Variants in ALDH2 observed in about 807,000 individuals in gnomAD.
ALDH2 encodes aldehyde dehydrogenase 2 family member, also known as aldehyde dehydrogenase, mitochondrial.
ALDH2 carries 44 observed loss-of-function variants against 59.6 expected under a neutral mutation model. That is an observed-to-expected ratio of 0.74 (90% CI 0.58 to 0.95). The LOEUF (loss-of-function observed/expected upper bound fraction) is 0.95, where lower values mean the gene tolerates loss of function less well. Among genes scored for constraint, ALDH2 ranks in the 40% least tolerant of loss-of-function variants. ALDH2 has a pLI of 0.00. For missense variants in ALDH2, 570 were observed against 696.3 expected, an observed-to-expected ratio of 0.82 and a Z score of 2.04; for synonymous variants, 291 against 284.0, an observed-to-expected ratio of 1.02 and a Z score of -0.25.
chr12:111,791,298 G>A lies in ALDH2; in HGVS notation c.682-8G>A, dbSNP rs745487886. ...GACTCCCAATGTCCCCTGGCTGTTTGCTCACAGGCTGGCTTTCCCCCTGGT... is the reference window on the plus strand; with the variant it reads ...GACTCCCAATGTCCCCTGGCTGTTTACTCACAGGCTGGCTTTCCCCCTGGT... On this transcript the variant is annotated splice_region_variant and splice_polypyrimidine_tract_variant and intron_variant, in intron 6 of 12. Coordinates refer to ENST00000261733, the MANE Select transcript of ALDH2 (RefSeq NM_000690.4). 6.2e-7 allele frequency: 1 copy of A among 1,610,690 alleles called. No homozygotes were observed. Among genetic ancestry groups the A allele is most frequent in the Admixed American group, 1.7e-5 (1 of 59,894 alleles).
rs199811756 is a variant in ALDH2, at chr12:111,799,911, C to G, written c.1254C>G (p.Phe418Leu). 7 of 1,613,238 alleles carry G rather than the reference C, an allele frequency of 4.3e-6. No homozygotes were observed. The highest frequency in any genetic ancestry group is 5.9e-6 in the Non-Finnish European group (7 of 1,179,572). ...ACGCTGCTCTCTCACTCCAGATCTTCGGGCCAGTGATGCAGATCCTGAAGT... is the reference window on the plus strand; with the variant it reads ...ACGCTGCTCTCTCACTCCAGATCTTGGGGCCAGTGATGCAGATCCTGAAGT... Reference protein sequence around the residue: ...DGMTIAKEEIFGPVMQILKFK... With the variant: ...DGMTIAKEEILGPVMQILKFK... The change falls in exon 11 of 13, where the codon TTC becomes TTG. Residue 418 changes from phenylalanine to leucine, a missense_variant. Physicochemically the swap from Phe to Leu is conservative, Grantham distance 22 (BLOSUM62 0). Transcript: ENST00000261733.
At chr12:111,782,408 A>T (rs1044265846) in intron 2 of ALDH2, among the ~76,000 whole-genome samples, 2 of 152,242 alleles carry the variant, frequency 1.3e-5, no homozygotes, top group Non-Finnish European at 2.9e-5. Context: ...TTTTTAAATT[A>T]GACTCTTAGT....
rs1477749402 is a variant in ALDH2, at chr12:111,812,357, CA to C, written c.*2783del. The C allele has an allele frequency of 6.6e-6, 1 of 152,068 alleles. No individual in the cohort carries two copies. Among genetic ancestry groups the C allele is most frequent in the Non-Finnish European group, 1.5e-5 (1 of 68,038 alleles). The allele number at this position is 152,068 out of a possible 1,614,324, so 9.4% of individuals were successfully genotyped here. On this transcript the variant is annotated 3_prime_UTR_variant, in exon 13 of 13. Transcript: ENST00000261733. ...TTTTATATATTTTATTATACTGGAA[CA>C]GCTCGTGCCCTCGGTCTCTTGCCTC...
rs189880277 is a variant in ALDH2, at chr12:111,793,679, G to A, written c.1083+897G>A. On this transcript the variant is annotated intron_variant, in intron 9 of 12. Transcript: ENST00000261733. ...GGCACGATCTCGACTCATGCCTCCCGGGTTCAAGCAATTCTTGTGCCTCAG... is the reference window on the plus strand; with the variant it reads ...GGCACGATCTCGACTCATGCCTCCCAGGTTCAAGCAATTCTTGTGCCTCAG... Among the ~76,000 whole-genome samples the A allele has an allele frequency of 1.4e-3, 219 of 151,420 alleles. 1 individual carries two copies. The highest frequency in any genetic ancestry group is 4.9e-3 in the African/African-American group (201 of 41,216).
intron 1 of ALDH2, among the ~76,000 whole-genome samples, chr12:111,771,619 T>A (rs2068200548): frequency 6.6e-6 from 1 of 152,180 alleles, no homozygotes; most frequent in Admixed American, 6.5e-5. Flanking sequence ...CTCTACACCA[T>A]ATGAAACCAT....
At chr12:111,790,985 G>A (rs1384136667) in intron 6 of ALDH2, among the ~76,000 whole-genome samples, 1 of 152,090 alleles carries the variant, frequency 6.6e-6, no homozygotes, top group Non-Finnish European at 1.5e-5. Flanking sequence ...GGAGTTTGAG[G>A]CTGCAGTGAG....
In ALDH2 at chr12:111,799,955, T is replaced by C; in HGVS notation, c.1298T>C (p.Val433Ala). 2 of 1,613,528 alleles carry C rather than the reference T, an allele frequency of 1.2e-6. No individual in the cohort carries two copies. The highest frequency in any genetic ancestry group is 1.7e-6 in the Non-Finnish European group (2 of 1,179,902). The change falls in exon 11 of 13, where the codon GTT becomes GCT. Residue 433 changes from valine (V) to alanine (A), a missense_variant. By Grantham distance (64) the Val-to-Ala change is moderately conservative. Transcript: ENST00000261733. Reference sequence around the variant, plus strand: ...CTGAAGTTCAAGACCATAGAGGAGGTTGTTGGGAGAGCCAACAATTCCACG... The same window carrying C: ...CTGAAGTTCAAGACCATAGAGGAGGCTGTTGGGAGAGCCAACAATTCCACG... ...QILKFKTIEE[V>A]VGRANNSTYG...
rs2136032256 is a variant in ALDH2 at position 111,812,556 on chromosome 12, T to C, written c.*2981T>C. 6.6e-6 allele frequency: 1 copy of C among 152,196 alleles called. No homozygotes were observed. The highest frequency in any genetic ancestry group is 2.4e-5 in the African/African-American group (1 of 41,508). 9.4% of individuals were successfully genotyped at this position (152,196 alleles called of 1,614,324 possible). A position where few individuals can be genotyped will look rare whatever the true frequency, so the allele number is the denominator to read the frequency against. On this transcript the variant is annotated 3_prime_UTR_variant, in exon 13 of 13. Coordinates refer to ENST00000261733, the MANE Select transcript of ALDH2 (RefSeq NM_000690.4). ...AGGATGATATTACTTCTAGGAAGAT[T>C]TTCTATGTATGGAGGGTGCATCATT...
At chr12:111,789,647 A>G (rs535950825) in intron 4 of ALDH2, among the ~76,000 whole-genome samples, 176 bp from the exon 5 acceptor site, 1 of 152,252 alleles carries the variant, frequency 6.6e-6, no homozygotes, top group South Asian at 2.1e-4. Flanking sequence ...GGGGTTAGCT[A>G]CCTAGAGTAG....
Position 111,814,568 on chromosome 12 carries a change from G to A in ALDH2, c.*4993G>A, listed in dbSNP as rs773075768. 1 of 150,556 alleles carries A rather than the reference G, an allele frequency of 6.6e-6. No homozygotes were observed. Among genetic ancestry groups the A allele is most frequent in the Non-Finnish European group, 1.5e-5 (1 of 67,886 alleles). The allele number at this position is 150,556 out of a possible 1,614,324, so 9.3% of individuals were successfully genotyped here. A position where few individuals can be genotyped will look rare whatever the true frequency, so the allele number is the denominator to read the frequency against. On this transcript the variant is annotated 3_prime_UTR_variant, in exon 13 of 13. Transcript: ENST00000261733. ...AAAAAAAAAAAAAAAGTGGCCAGGT[G>A]GTGCCATGGCTCATGCCTGTAATCT...
intron 1 of ALDH2, among the ~76,000 whole-genome samples, chr12:111,779,877 G>C (rs867147292): frequency 6.6e-5 from 10 of 152,172 alleles, no homozygotes; most frequent in South Asian, 6.2e-4. Flanking sequence ...GCGAACTCTG[G>C]CACTTTATGT....
chr12:111,793,679 G>T (rs189880277), intron 9 of ALDH2, among the ~76,000 whole-genome samples: 2 of 151,304 alleles, frequency 1.3e-5, no homozygotes, highest in Non-Finnish European at 2.9e-5. Flanking sequence ...CATGCCTCCC[G>T]GGTTCAAGCA....
chr12:111,782,156 A>G, intron 2 of ALDH2, 134 bp downstream of exon 2: 2 of 653,108 alleles, frequency 3.1e-6, no homozygotes, highest in Non-Finnish European at 5.4e-6. Context: ...ATTCCGAGTA[A>G]ATTAATCAAT....
intron 9 of ALDH2, among the ~76,000 whole-genome samples, chr12:111,793,886 A>G (rs2068381775): frequency 6.6e-6 from 1 of 151,990 alleles, no homozygotes; most frequent in African/African-American, 2.4e-5. Flanking sequence ...ATGGGCCTAG[A>G]CAAATGTATC....
At chr12:111,799,748 G>C in intron 10 of ALDH2, 158 bp from the exon 11 acceptor site, 1 of 879,616 alleles carries the variant, frequency 1.1e-6, no homozygotes, top group Non-Finnish European at 1.7e-6. Context: ...TTCCCTCTGT[G>C]TTCTGCTGAG....
chr12:111,803,347 C>T (rs758341469), intron 11 of ALDH2, among the ~76,000 whole-genome samples: 1 of 151,454 alleles, frequency 6.6e-6, no homozygotes, highest in African/African-American at 2.4e-5. Flanking sequence ...CCAGTAATCC[C>T]AGTGCTTTGG....
intron 12 of ALDH2, among the ~76,000 whole-genome samples, chr12:111,804,235 A>G (rs1051701352): frequency 1.3e-5 from 2 of 152,040 alleles, no homozygotes; most frequent in African/African-American, 4.8e-5. Context: ...CTAATTTCCC[A>G]TTTTAAGCCT....
In ALDH2 at chr12:111,790,582, C is replaced by T; in HGVS notation, c.681+20C>T. The T allele has an allele frequency of 6.2e-7, 1 of 1,614,082 alleles. No homozygotes were observed. On this transcript the variant is annotated intron_variant, in intron 6 of 12. Coordinates refer to ENST00000261733, the MANE Select transcript of ALDH2 (RefSeq NM_000690.4). ...AAGGAGGTGCGTGGCTTATCCTGGTCTTAACCTCTAAATGCCCTTGTTGAG... is the reference window on the plus strand; with the variant it reads ...AAGGAGGTGCGTGGCTTATCCTGGTTTTAACCTCTAAATGCCCTTGTTGAG...
intron 1 of ALDH2, among the ~76,000 whole-genome samples, chr12:111,769,440 C>A (rs2068182665): frequency 6.6e-6 from 1 of 152,006 alleles, no homozygotes; most frequent in African/African-American, 2.4e-5. Flanking sequence ...AATAAATAAA[C>A]CTCTCTGGAT....
Sources: allele counts gnomAD v4.1 joint callset (sites outside exome capture counted in the v4.1 genomes callset), GRCh38; gene constraint gnomAD v4.1.1; transcripts MANE v1.5; gene names NCBI Gene and HGNC (gene_info 2026-07-23, HGNC 2026-07-21).